The following PARD3B variants were observed in gnomAD, a reference collection of about 807,000 sequenced individuals.
PARD3B encodes partitioning defective 3 homolog B.
A neutral mutation model predicts 130.2 loss-of-function variants in PARD3B; 103 were observed. The observed-to-expected ratio is 0.79, with a 90% confidence interval of 0.67 to 0.93. The LOEUF is 0.93. PARD3B is among the 40% of genes least tolerant of loss of function. The pLI is 0.00. For missense variants in PARD3B, 1,609 were observed against 1,499.2 expected (o/e 1.07, Z -1.21); for synonymous variants, 583 against 553.2 (o/e 1.05, Z -0.76).
chr2:204,691,740 T>C (rs971290692), intron 2 of PARD3B, among the ~76,000 whole-genome samples: 1 of 152,144 alleles, frequency 6.6e-6, no homozygotes, highest in African/African-American at 2.4e-5. Context: ...ATGTTACCAT[T>C]AGATGTTTTT....
At chr2:204,979,302 A>G (rs1240770560) in intron 3 of PARD3B, among the ~76,000 whole-genome samples, 1 of 152,176 alleles carries the variant, frequency 6.6e-6, no homozygotes, top group African/African-American at 2.4e-5. Context: ...CCTAGAGTAA[A>G]GGCTGGGATG....
intron 2 of PARD3B, among the ~76,000 whole-genome samples, chr2:204,731,341 A>G (rs924407030): frequency 1.3e-5 from 2 of 152,198 alleles, no homozygotes; most frequent in Admixed American, 6.5e-5. Context: ...CTGGCTGTTG[A>G]GTCTTGCAAC....
intron 18 of PARD3B, among the ~76,000 whole-genome samples, chr2:205,377,722 C>T (rs1414170190): frequency 6.6e-6 from 1 of 150,894 alleles, no homozygotes; most frequent in Non-Finnish European, 1.5e-5. Context: ...TCCCTCTAAT[C>T]AGTTTTGATA....
chr2:204,806,443 G>T (rs2042771976), intron 2 of PARD3B, among the ~76,000 whole-genome samples: 1 of 152,148 alleles, frequency 6.6e-6, no homozygotes, highest in Admixed American at 6.6e-5. Context: ...ATATGTAGAA[G>T]AATGAAACTA....
intron 2 of PARD3B, among the ~76,000 whole-genome samples, chr2:204,874,518 G>C (rs138040283): frequency 4.6e-5 from 7 of 152,228 alleles, no homozygotes; most frequent in African/African-American, 1.7e-4. Flanking sequence ...ATATTTCTTA[G>C]TTTTTAAAAG....
At chr2:205,013,466 G>A (rs1695882138) in intron 3 of PARD3B, among the ~76,000 whole-genome samples, 1 of 152,078 alleles carries the variant, frequency 6.6e-6, no homozygotes, top group East Asian at 1.9e-4. Flanking sequence ...CAGTGGTGTA[G>A]TGTCTGTCGG....
At chr2:204,952,324 A>G (rs1174196588) in intron 2 of PARD3B, among the ~76,000 whole-genome samples, 1 of 152,148 alleles carries the variant, frequency 6.6e-6, no homozygotes, top group East Asian at 1.9e-4. Context: ...AAGGCCCATC[A>G]ATCAAAACAC....
intron 13 of PARD3B, among the ~76,000 whole-genome samples, chr2:205,179,688 A>G (rs545640570): frequency 1.1e-4 from 17 of 152,350 alleles, no homozygotes; most frequent in Non-Finnish European, 1.9e-4. Context: ...AAAATTGCCT[A>G]ACGAAGCTTT....
In PARD3B at chr2:205,258,969, C is replaced by A. The variant is rs1394565229; in HGVS notation, c.2185+13147C>A. Reference sequence around the variant, plus strand: ...ATAGTGATTTGAAAATTATACACTGCATTTTTGGCATGCATACCTAACAAA... The same window carrying A: ...ATAGTGATTTGAAAATTATACACTGAATTTTTGGCATGCATACCTAACAAA... On this transcript the variant is annotated intron_variant, in intron 16 of 22. Coordinates refer to ENST00000406610, the MANE Select transcript of PARD3B (RefSeq NM_001302769.2). This position sits in a 1 kb window ranked among gnomAD's most constrained non-coding sequence, Gnocchi z 4.9. Among the ~76,000 whole-genome samples, 1 of 152,052 alleles carries A rather than the reference C, an allele frequency of 6.6e-6. No homozygotes were observed.
chr2:205,080,198 A>G (rs1441518683), intron 4 of PARD3B, among the ~76,000 whole-genome samples: 1 of 152,088 alleles, frequency 6.6e-6, no homozygotes, highest in African/African-American at 2.4e-5. Context: ...CTTAAAATTA[A>G]ATTTTACACG....
intron 22 of PARD3B, among the ~76,000 whole-genome samples, chr2:205,583,685 T>C (rs936898479): frequency 1.3e-5 from 2 of 152,222 alleles, no homozygotes; most frequent in African/African-American, 4.8e-5. Flanking sequence ...GCAACCAAAA[T>C]GAATCATACC....
intron 3 of PARD3B, among the ~76,000 whole-genome samples, chr2:205,005,370 G>A (rs10932093): frequency 0.97 from 148,313 of 152,274 alleles, 72,348 homozygotes; most frequent in Middle Eastern, 1. Flanking sequence ...TTCCATTATT[G>A]GGAAGACAAA....
intron 18 of PARD3B, among the ~76,000 whole-genome samples, chr2:205,395,525 GTT>G (rs1332269120): frequency 1.3e-5 from 2 of 152,072 alleles, no homozygotes; most frequent in Non-Finnish European, 2.9e-5. Flanking sequence ...ATCTTTAAGT[GTT>G]ACAGTTTTTC....
intron 3 of PARD3B, among the ~76,000 whole-genome samples, chr2:204,984,077 A>G (rs975566757): frequency 3.3e-5 from 5 of 152,198 alleles, no homozygotes; most frequent in African/African-American, 9.6e-5. Flanking sequence ...AAGAGAATAG[A>G]GGTGGAGTTT....
At chr2:205,041,125 T>A (rs370685234) in intron 3 of PARD3B, among the ~76,000 whole-genome samples, 4 of 152,236 alleles carry the variant, frequency 2.6e-5, no homozygotes, top group African/African-American at 7.2e-5. Context: ...CTTTACTGAT[T>A]CCTCCTTTTT....
chr2:204,619,749 C>T (rs7603507), intron 1 of PARD3B, among the ~76,000 whole-genome samples: 107,001 of 152,044 alleles, frequency 0.7, 38,501 homozygotes, highest in Middle Eastern at 0.79. Flanking sequence ...AACTTCAGAC[C>T]TGTAGCAGAA....
At chr2:205,534,479 G>A (rs973684167) in intron 21 of PARD3B, among the ~76,000 whole-genome samples, 8 of 151,472 alleles carry the variant, frequency 5.3e-5, no homozygotes, top group African/African-American at 1.9e-4. Flanking sequence ...TTTTTTTTTG[G>A]AGACAGAGTC....
At chr2:205,132,852 G>A (rs2032135099) in intron 10 of PARD3B, among the ~76,000 whole-genome samples, 1 of 152,168 alleles carries the variant, frequency 6.6e-6, no homozygotes, top group South Asian at 2.1e-4. Context: ...CGCACAGTGA[G>A]TGCCAAATCA....
chr2:204,864,330 G>T (rs2045326794), intron 2 of PARD3B, among the ~76,000 whole-genome samples: 1 of 152,138 alleles, frequency 6.6e-6, no homozygotes, highest in African/African-American at 2.4e-5. Flanking sequence ...TTCTTACCTG[G>T]GACTTGAAAA....
Sources: allele counts gnomAD v4.1 joint callset (sites outside exome capture counted in the v4.1 genomes callset), GRCh38; gene constraint gnomAD v4.1.1; non-coding constraint Gnocchi (gnomAD v3.1); transcripts MANE v1.5; gene names NCBI Gene and HGNC (gene_info 2026-07-23, HGNC 2026-07-21).